Variants in CDHR3 observed in about 807,000 individuals in gnomAD.
The protein encoded by CDHR3 is cadherin-related family member 3.
Under a neutral mutation model 86.6 loss-of-function variants are expected in CDHR3, and 79 were observed. That is an observed-to-expected ratio of 0.91 (90% confidence interval 0.76 to 1.10). The LOEUF (loss-of-function observed/expected upper bound fraction) is 1.10, where lower values mean the gene tolerates loss of function less well. CDHR3 is among the 50% of genes least tolerant of loss of function. The pLI is 0.00. For missense variants in CDHR3, 1,081 were observed against 1,077.6 expected, an observed-to-expected ratio of 1.00 and a Z score of -0.04; for synonymous variants, 421 against 402.4, an observed-to-expected ratio of 1.05 and a Z score of -0.55.
At chr7:105,994,143 G>A (rs2526975) in intron 4 of CDHR3, among the ~76,000 whole-genome samples, 64,889 of 151,886 alleles carry the variant, frequency 0.43, 14,303 homozygotes, top group Non-Finnish European at 0.48. Context: ...TGCATTTTGC[G>A]CCCTGCTATA....
chr7:105,993,154 G>A (rs947935249), intron 4 of CDHR3, among the ~76,000 whole-genome samples: 1 of 152,206 alleles, frequency 6.6e-6, no homozygotes, highest in African/African-American at 2.4e-5. Flanking sequence ...AAGGCCTTGA[G>A]GATAGAACAT....
At chr7:105,967,575 C>A (rs62482821) in intron 1 of CDHR3, among the ~76,000 whole-genome samples, 1 of 152,014 alleles carries the variant, frequency 6.6e-6, no homozygotes, top group Non-Finnish European at 1.5e-5. Context: ...CCACCAACAG[C>A]GTAAAAGCGT....
chr7:106,002,420 C>T (rs1019892352), intron 7 of CDHR3, among the ~76,000 whole-genome samples: 3 of 152,184 alleles, frequency 2.0e-5, no homozygotes, highest in African/African-American at 7.2e-5. Flanking sequence ...GAGAATTTAG[C>T]AAGGTCCGTT....
At chr7:105,974,740 G>A (rs755895677) in intron 1 of CDHR3, 104 bp from the exon 2 acceptor site, 30 of 838,798 alleles carry the variant, frequency 3.6e-5, no homozygotes, top group African/African-American at 5.0e-5. Flanking sequence ...AGCTCTCATC[G>A]TCACCCTGAG....
intron 9 of CDHR3, among the ~76,000 whole-genome samples, chr7:106,013,681 T>A (rs1210689566): frequency 1.3e-5 from 2 of 152,034 alleles, no homozygotes; most frequent in Non-Finnish European, 2.9e-5. Context: ...CCGCTACCCT[T>A]CCCCTCACCC....
chr7:105,963,667 TG>T (rs1826392308), intron 1 of CDHR3, among the ~76,000 whole-genome samples: 1 of 152,186 alleles, frequency 6.6e-6, no homozygotes, highest in South Asian at 2.1e-4. Flanking sequence ...GGGAAAATAG[TG>T]TTCATAGCAG....
chr7:105,965,258 C>A (rs1826687712), intron 1 of CDHR3, among the ~76,000 whole-genome samples: 1 of 152,100 alleles, frequency 6.6e-6, no homozygotes, highest in Non-Finnish European at 1.5e-5. Context: ...CACATCAGCA[C>A]CCCTTCAGGC....
chr7:106,024,697 A>G, intron 15 of CDHR3, 135 bp downstream of exon 15: 1 of 868,996 alleles, frequency 1.2e-6, no homozygotes, highest in South Asian at 1.8e-5. Context: ...CAGGAAAAGG[A>G]GATACGGGGG....
At chr7:106,006,795 T>C (rs572935079) in intron 8 of CDHR3, among the ~76,000 whole-genome samples, 1 of 152,300 alleles carries the variant, frequency 6.6e-6, no homozygotes, top group Admixed American at 6.5e-5. Flanking sequence ...GATTTACCAT[T>C]CTGGGGTCTG....
chr7:106,032,497 G>C lies in CDHR3; in HGVS notation c.2458G>C (p.Ala820Pro). 6.2e-7 allele frequency: 1 copy of C among 1,614,018 alleles called. No individual in the cohort carries two copies. The highest frequency in any genetic ancestry group is 8.5e-7 in the Non-Finnish European group (1 of 1,179,876). The change falls in exon 19 of 19, where the codon GCC (alanine) becomes CCC (proline). Residue 820 changes from alanine (A) to proline (P), a missense_variant. Coordinates refer to ENST00000317716, the MANE Select transcript of CDHR3 (RefSeq NM_152750.5). ...KWKESSHQGA[A>P]PRRVTAGEGM... ...GAAAGAGTCCAGCCACCAGGGAGCT[G>C]CCCCACGCAGAGTCACTGCTGGGGA...
chr7:106,033,989 G>C lies in CDHR3; in HGVS notation c.*1292G>C, dbSNP rs903338155. Among the ~76,000 whole-genome samples the C allele has an allele frequency of 6.6e-6, 1 of 152,072 alleles. No homozygotes were observed. The highest frequency in any genetic ancestry group is 1.5e-5 in the Non-Finnish European group (1 of 68,006). On this transcript the variant is annotated 3_prime_UTR_variant, in exon 19 of 19. Transcript: ENST00000317716. Reference sequence around the variant, plus strand: ...CAATCCTTTTAACTTTAGCCATTCTGGTTAAAATTACTATTGAAGTGAAAT... The same window carrying C: ...CAATCCTTTTAACTTTAGCCATTCTCGTTAAAATTACTATTGAAGTGAAAT...
chr7:106,031,758 A>G (rs901691347), intron 18 of CDHR3, among the ~76,000 whole-genome samples: 9 of 152,072 alleles, frequency 5.9e-5, no homozygotes, highest in Non-Finnish European at 1.0e-4. Context: ...CTTCCAGAGC[A>G]AAAGGGGGGA....
At chr7:105,979,830 T>C (rs886575420) in intron 2 of CDHR3, among the ~76,000 whole-genome samples, 5 of 152,346 alleles carry the variant, frequency 3.3e-5, no homozygotes, top group Admixed American at 6.5e-5. Flanking sequence ...TGGAATTTAG[T>C]CCTCAATGTC....
Position 106,015,200 on chromosome 7 carries a change from C to T in CDHR3, c.1314C>T (p.Pro438=). ...TAATCCAGGTGCAGGATGTGGCCCC[C>T]CCTTACTATAAAAGCAAGTATCATT... is the stretch of plus-strand genomic sequence containing the variant. ...TVIIQVQDVA[P]PYYKNNVYVY... Residue 438 remains proline, a synonymous_variant, in exon 10 of 19, where the codon CCC becomes CCT. Transcript: ENST00000317716. 1 of 1,608,318 alleles carries T rather than the reference C, an allele frequency of 6.2e-7. No individual in the cohort carries two copies. The highest frequency in any genetic ancestry group is 1.7e-5 in the Admixed American group (1 of 59,442).
intron 7 of CDHR3, among the ~76,000 whole-genome samples, chr7:106,002,274 G>A (rs888317460): frequency 6.6e-6 from 1 of 152,206 alleles, no homozygotes. Context: ...TTAATGTTAA[G>A]TTTATGTCAC....
intron 9 of CDHR3, among the ~76,000 whole-genome samples, chr7:106,013,471 G>A (rs1835117942): frequency 6.6e-6 from 1 of 152,198 alleles, no homozygotes; most frequent in Admixed American, 6.5e-5. Flanking sequence ...GTGAGACAGT[G>A]AGGATGTGTA....
chr7:105,965,934 G>A (rs756138451), intron 1 of CDHR3, among the ~76,000 whole-genome samples: 25 of 152,128 alleles, frequency 1.6e-4, no homozygotes, highest in African/African-American at 7.2e-5. Context: ...CACCCCAAAT[G>A]TAGAGCTTTA....
At chr7:105,990,163 G>T (rs1831141793) in intron 4 of CDHR3, among the ~76,000 whole-genome samples, 1 of 152,140 alleles carries the variant, frequency 6.6e-6, no homozygotes, top group Non-Finnish European at 1.5e-5. Context: ...GGCCAATTAT[G>T]GAAAAAGAAT....
chr7:105,981,515 C>T (rs982776699), intron 3 of CDHR3, among the ~76,000 whole-genome samples: 11 of 152,132 alleles, frequency 7.2e-5, no homozygotes, highest in African/African-American at 1.9e-4. Context: ...TTGAGGGCAG[C>T]GTGTTTCTGC....
Sources: allele counts gnomAD v4.1 joint callset (sites outside exome capture counted in the v4.1 genomes callset), GRCh38; gene constraint gnomAD v4.1.1; transcripts MANE v1.5; gene names NCBI Gene and HGNC (gene_info 2026-07-23, HGNC 2026-07-21).